Variants in NEIL3 observed in about 807,000 individuals in gnomAD.
NEIL3 encodes nei like DNA glycosylase 3.
Under a neutral mutation model 57.5 loss-of-function variants are expected in NEIL3, and 48 were observed. The ratio of observed to expected loss-of-function variants is 0.83; its 90% CI spans 0.66 to 1.06. NEIL3 has a LOEUF of 1.06. NEIL3 is among the 50% of genes least tolerant of loss of function. The pLI is 0.00. For synonymous variants in NEIL3, 261 were observed against 253.2 expected (o/e 1.03, Z -0.29); for missense variants, 717 against 739.1 (o/e 0.97, Z 0.35).
intron 1 of NEIL3, among the ~76,000 whole-genome samples, chr4:177,320,201 G>A (rs1324684750): frequency 6.6e-6 from 1 of 152,136 alleles, no homozygotes; most frequent in Non-Finnish European, 1.5e-5. Context: ...AAAGTCTCCT[G>A]TTAAGGAGAA....
intron 6 of NEIL3, among the ~76,000 whole-genome samples, chr4:177,347,604 C>T (rs183851502): frequency 3.1e-4 from 47 of 152,038 alleles, no homozygotes; most frequent in Non-Finnish European, 5.9e-4. Flanking sequence ...CAGAGTGAAG[C>T]GGCAGCATCG....
At chr4:177,349,224 C>T (rs915848398) in intron 6 of NEIL3, among the ~76,000 whole-genome samples, 3 of 151,788 alleles carry the variant, frequency 2.0e-5, no homozygotes, top group Admixed American at 2.0e-4. Context: ...CCGCTGGCTG[C>T]CATCATAAAT....
At chr4:177,315,222 T>C (rs748746555) in intron 1 of NEIL3, among the ~76,000 whole-genome samples, 1 of 152,220 alleles carries the variant, frequency 6.6e-6, no homozygotes, top group Non-Finnish European at 1.5e-5. Context: ...TGGAAAAGTC[T>C]TATTCTGCTC....
In NEIL3 at chr4:177,362,692, G is replaced by A. The variant is rs1735632778; in HGVS notation, c.*221G>A. On this transcript the variant is annotated 3_prime_UTR_variant, in exon 10 of 10. Transcript: ENST00000264596. ...TTCTATGTATTTCATCGGATATACA[G>A]CATATTCCATTTAGGATGTGTATTT... The A allele has an allele frequency of 5.2e-6, 2 of 381,070 alleles. No individual in the cohort carries two copies. Among genetic ancestry groups the A allele is most frequent in the African/African-American group, 4.2e-5 (2 of 47,724 alleles). The allele number at this position is 381,070 out of a possible 1,614,324, so 23.6% of individuals were successfully genotyped here.
chr4:177,319,545 G>A (rs1734634379), intron 1 of NEIL3, among the ~76,000 whole-genome samples: 1 of 151,984 alleles, frequency 6.6e-6, no homozygotes, highest in Non-Finnish European at 1.5e-5. Flanking sequence ...AGATTTTGGT[G>A]CCCCCATCAC....
intron 1 of NEIL3, among the ~76,000 whole-genome samples, chr4:177,320,393 A>T (rs1560908317): frequency 6.6e-6 from 1 of 151,170 alleles, no homozygotes; most frequent in Non-Finnish European, 1.5e-5. Context: ...CTTTGAGGAC[A>T]TGGTGGCATA....
chr4:177,342,629 C>A (rs1043488648), intron 6 of NEIL3, among the ~76,000 whole-genome samples: 3 of 152,094 alleles, frequency 2.0e-5, no homozygotes, highest in Non-Finnish European at 4.4e-5. Context: ...TTGTTCCACT[C>A]TTTCCCCCCT....
intron 6 of NEIL3, among the ~76,000 whole-genome samples, chr4:177,351,058 G>A (rs936611646): frequency 6.6e-6 from 1 of 151,384 alleles, no homozygotes; most frequent in African/African-American, 2.4e-5. Context: ...TTAAAAATTA[G>A]CCAAGCAGAC....
chr4:177,369,009 G>A, the NEIL3 span, among the ~76,000 whole-genome samples: 24 of 152,260 alleles, frequency 1.6e-4, no homozygotes, highest in African/African-American at 5.5e-4. Flanking sequence ...AGAAAACAAA[G>A]CCAACTGATT....
chr4:177,360,430 T>G, intron 8 of NEIL3, 73 bp from the exon 9 acceptor site: 3 of 1,049,624 alleles, frequency 2.9e-6, no homozygotes, highest in Non-Finnish European at 4.0e-6. Flanking sequence ...AATTCTGACA[T>G]GTGGGGGTAA....
chr4:177,353,817 G>T (rs1358681716), intron 8 of NEIL3, 89 bp downstream of exon 8: 1 of 1,118,998 alleles, frequency 8.9e-7, no homozygotes, highest in Non-Finnish European at 1.3e-6. Context: ...CTAGGCTACA[G>T]TGCAGTGGTG....
At chr4:177,356,583 C>G (rs1270984250) in intron 8 of NEIL3, among the ~76,000 whole-genome samples, 1 of 152,190 alleles carries the variant, frequency 6.6e-6, no homozygotes, top group Non-Finnish European at 1.5e-5. Context: ...CAGAAGCTCA[C>G]AACATAATAC....
chr4:177,362,523 G>T lies in NEIL3; in HGVS notation c.*52G>T, dbSNP rs183662788. On this transcript the variant is annotated 3_prime_UTR_variant, in exon 10 of 10. Transcript: ENST00000264596. Reference sequence around the variant, plus strand: ...CTCTTCAAACTGTGTATAATGTTTGGTCCTCCTCTGTTTCATAGAAAAGTC... The same window carrying T: ...CTCTTCAAACTGTGTATAATGTTTGTTCCTCCTCTGTTTCATAGAAAAGTC... 2.7e-5 allele frequency: 36 copies of T among 1,339,888 alleles called. No homozygotes were observed. The East Asian group carries it at 8.1e-4, about 30-fold the overall frequency. 83.0% of individuals were successfully genotyped at this position (1,339,888 alleles called of 1,614,324 possible). A position where few individuals can be genotyped will look rare whatever the true frequency, so the allele number is the denominator to read the frequency against.
intron 2 of NEIL3, among the ~76,000 whole-genome samples, chr4:177,324,344 A>T (rs890073967): frequency 6.6e-6 from 1 of 152,140 alleles, no homozygotes; most frequent in Non-Finnish European, 1.5e-5. Context: ...AATTGCCCGC[A>T]GAGTTTAGTC....
intron 4 of NEIL3, among the ~76,000 whole-genome samples, chr4:177,339,158 T>C (rs1330684554): frequency 6.6e-6 from 1 of 152,218 alleles, no homozygotes; most frequent in East Asian, 1.9e-4. Context: ...AATTTTTGAC[T>C]CTTCAAAAAC....
intron 8 of NEIL3, among the ~76,000 whole-genome samples, chr4:177,359,094 A>G (rs2110941634): frequency 6.6e-6 from 1 of 152,302 alleles, no homozygotes; most frequent in South Asian, 2.1e-4. Context: ...GGGTTGGTGA[A>G]CTGAAAGGTT....
At chr4:177,334,518 T>C (rs1235171646) in intron 2 of NEIL3, among the ~76,000 whole-genome samples, 3 of 152,160 alleles carry the variant, frequency 2.0e-5, no homozygotes, top group African/African-American at 7.2e-5. Context: ...TTATGAGCCA[T>C]GCAGCTGAAA....
intron 1 of NEIL3, among the ~76,000 whole-genome samples, chr4:177,312,956 G>A (rs564212027): frequency 2.6e-5 from 4 of 152,222 alleles, no homozygotes; most frequent in East Asian, 1.9e-4. Context: ...AAACATGGTA[G>A]GTTGTCACAA....
At chr4:177,368,751 T>C in the NEIL3 span, among the ~76,000 whole-genome samples, 1 of 152,250 alleles carries the variant, frequency 6.6e-6, no homozygotes, top group African/African-American at 2.4e-5. Context: ...GGAAAATTCC[T>C]GTATCTAAAA....
Sources: gnomAD v4.1 joint callset for allele counts (sites outside exome capture counted in the v4.1 genomes callset) on GRCh38, gnomAD v4.1.1 for gene constraint, MANE v1.5 for transcripts, NCBI Gene and HGNC (gene_info 2026-07-23, HGNC 2026-07-21) for gene names.